Variants in XRRA1 observed in about 807,000 individuals in gnomAD.
XRRA1 encodes X-ray radiation resistance associated 1.
Under a neutral mutation model 80.2 loss-of-function variants are expected in XRRA1, and 69 were observed. That is an observed-to-expected ratio of 0.86 (90% CI 0.71 to 1.05). The LOEUF is 1.05. Among genes scored for constraint, XRRA1 ranks in the 50% least tolerant of loss-of-function variants. The pLI is 0.00. For missense variants in XRRA1, 967 were observed against 976.4 expected, an observed-to-expected ratio of 0.99 and a Z score of 0.13; for synonymous variants, 348 against 389.9, an observed-to-expected ratio of 0.89 and a Z score of 1.27.
At position 74,920,006 on chromosome 11, in the gene XRRA1, C is replaced by A. The variant is rs1475807292; in HGVS notation, c.656+1208G>T. 204 of 128,052 alleles carry A rather than the reference C, an allele frequency of 1.6e-3. 1 individual carries two copies. The highest frequency in any genetic ancestry group is 8.1e-3 in the Middle Eastern group (2 of 248). The allele number at this position is 128,052 out of a possible 1,614,324, so 7.9% of individuals were successfully genotyped here. On this transcript the variant is annotated intron_variant, in intron 8 of 18. Transcript: ENST00000684022. ...TATATCAAACAAAGTTATAAAACTG[C>A]AAAAAAAAAAAAAAAAATGAAGCCA...
At chr11:74,891,103 A>C (rs189275073) in intron 10 of XRRA1, among the ~76,000 whole-genome samples, 1 of 152,302 alleles carries the variant, frequency 6.6e-6, no homozygotes, top group Admixed American at 6.5e-5. Flanking sequence ...ACAACAAAAA[A>C]AGAGTATTTT....
At position 74,843,940 on chromosome 11, in the gene XRRA1, G is replaced by A; in HGVS notation, c.2063C>T (p.Pro688Leu). Residue 688 changes from proline to leucine, a missense_variant, in exon 18 of 19, where the codon CCA becomes CTA. By Grantham distance (98) the Pro-to-Leu change is moderately conservative. Coordinates refer to ENST00000684022, the MANE Select transcript of XRRA1 (RefSeq NM_001378157.1). Reference sequence around the variant, plus strand: ...TTGGGCTCTAGTCTTCTTTGGGGGTGGAATCGGGATTCTCTGGGCCTGGCA... The same window carrying A: ...TTGGGCTCTAGTCTTCTTTGGGGGTAGAATCGGGATTCTCTGGGCCTGGCA... Reference protein sequence around the residue: ...KEKRAQRIPIPPPKKTRAQLL... With the variant: ...KEKRAQRIPILPPKKTRAQLL... The A allele has an allele frequency of 6.2e-7, 1 of 1,613,632 alleles. No homozygotes were observed. The highest frequency in any genetic ancestry group is 8.5e-7 in the Non-Finnish European group (1 of 1,179,736).
At chr11:74,887,742 A>G (rs1296487646) in intron 10 of XRRA1, among the ~76,000 whole-genome samples, 2 of 152,148 alleles carry the variant, frequency 1.3e-5, no homozygotes, top group African/African-American at 4.8e-5. Flanking sequence ...CGCTTTTCCA[A>G]CAGTCTTAGC....
chr11:74,852,198 G>GT (rs2040039546), intron 12 of XRRA1, 116 bp from the exon 13 acceptor site: 2 of 814,942 alleles, frequency 2.5e-6, no homozygotes, highest in East Asian at 5.1e-5. Flanking sequence ...GTGGTATTGG[G>GT]TAAGACATGC....
At chr11:74,945,561 A>T (rs1261548257) in intron 1 of XRRA1, among the ~76,000 whole-genome samples, 1 of 151,820 alleles carries the variant, frequency 6.6e-6, no homozygotes, top group Non-Finnish European at 1.5e-5. Flanking sequence ...TATTAGGAAT[A>T]TTAGGTGAGA....
chr11:74,879,178 A>C (rs1282674), intron 10 of XRRA1, among the ~76,000 whole-genome samples: 90,054 of 144,420 alleles, frequency 0.62, 30,341 homozygotes, highest in Non-Finnish European at 0.76. Flanking sequence ...GAGGTCCTTC[A>C]CATCCCTTGT....
At chr11:74,875,343 C>T (rs902601714) in intron 10 of XRRA1, among the ~76,000 whole-genome samples, 1 of 152,184 alleles carries the variant, frequency 6.6e-6, no homozygotes, top group Non-Finnish European at 1.5e-5. Context: ...AGTCTCAGTA[C>T]TCCCCTGCAG....
intron 11 of XRRA1, among the ~76,000 whole-genome samples, chr11:74,861,402 G>C (rs918395147): frequency 3.3e-5 from 5 of 152,110 alleles, no homozygotes; most frequent in Admixed American, 3.3e-4. Flanking sequence ...GATTCTCATA[G>C]GAGCACAAAC....
intron 10 of XRRA1, among the ~76,000 whole-genome samples, chr11:74,869,938 T>C (rs1468669477): frequency 6.6e-6 from 1 of 152,150 alleles, no homozygotes; most frequent in African/African-American, 2.4e-5. Flanking sequence ...TCCTCAGCCA[T>C]GAGACAACAA....
At chr11:74,900,487 C>A (rs2053377005) in intron 10 of XRRA1, among the ~76,000 whole-genome samples, 1 of 152,064 alleles carries the variant, frequency 6.6e-6, no homozygotes, top group South Asian at 2.1e-4. Context: ...GAGGCTGAGG[C>A]AGGAGAATCA....
chr11:74,844,176 CTT>C lies in XRRA1; in HGVS notation c.2033_2034del (p.Lys678ArgfsTer16), dbSNP rs1369793534. ...LDTLQKPYVH[K>X]EKRAQRIPIP... ...GTGAGCTGGATGTTTACCCGTTTCTCTTTGTGAACATAGGGTTTCTGAAGAGT... is the reference window on the plus strand; with the variant it reads ...GTGAGCTGGATGTTTACCCGTTTCTCTGTGAACATAGGGTTTCTGAAGAGT... On this transcript the variant is annotated frameshift_variant, in exon 17 of 19. Coordinates refer to ENST00000684022, the MANE Select transcript of XRRA1 (RefSeq NM_001378157.1). LOFTEE classifies it high-confidence loss of function. 5.0e-6 allele frequency: 8 copies of C among 1,613,770 alleles called. No homozygotes were observed. The highest frequency in any genetic ancestry group is 6.8e-6 in the Non-Finnish European group (8 of 1,179,714).
At chr11:74,872,494 G>C (rs1286399873) in intron 10 of XRRA1, among the ~76,000 whole-genome samples, 1 of 152,176 alleles carries the variant, frequency 6.6e-6, no homozygotes, top group Non-Finnish European at 1.5e-5. Context: ...TCTAGTAGCT[G>C]CTTTGCAAAC....
intron 10 of XRRA1, among the ~76,000 whole-genome samples, chr11:74,873,138 A>G (rs1447308057): frequency 6.6e-6 from 1 of 152,186 alleles, no homozygotes; most frequent in African/African-American, 2.4e-5. Context: ...GTTCAGATCC[A>G]TCTTAAGGAT....
intron 10 of XRRA1, among the ~76,000 whole-genome samples, chr11:74,902,634 A>G (rs1035677124): frequency 3.3e-5 from 5 of 152,204 alleles, no homozygotes; most frequent in Admixed American, 6.5e-5. Context: ...ATGGAACTGG[A>G]GGTCCCTATG....
chr11:74,899,695 T>C, intron 10 of XRRA1, among the ~76,000 whole-genome samples: 1 of 152,092 alleles, frequency 6.6e-6, no homozygotes, highest in African/African-American at 2.4e-5. Flanking sequence ...TCTACCAAGA[T>C]TGAACTATGA....
rs772051480 is a variant in XRRA1 at position 74,927,476 on chromosome 11, G to A, written c.437C>T (p.Thr146Met). 3.8e-5 allele frequency: 61 copies of A among 1,609,936 alleles called. 1 individual carries two copies. The East Asian group carries it at 9.8e-4, about 26-fold the overall frequency. ...ATCCAGTTCCTTTAGGGCTGGAAAC[G>A]TGTGAAATGCCTCTACATGGGGAAG... ...ENLLPLEAFH[T>M]FPALKELDLA... The change falls in exon 7 of 19, where the codon ACG (threonine) becomes ATG (methionine). Residue 146 changes from threonine to methionine, a missense_variant. Transcript: ENST00000684022.
intron 8 of XRRA1, chr11:74,920,004 TGC>T (rs1291486350): frequency 0.047 from 3,914 of 83,110 alleles, 96 homozygotes; most frequent in Non-Finnish European, 0.056. Context: ...GTTATAAAAC[TGC>T]AAAAAAAAAA....
At chr11:74,862,766 C>T (rs1309142591) in intron 11 of XRRA1, among the ~76,000 whole-genome samples, 1 of 151,956 alleles carries the variant, frequency 6.6e-6, no homozygotes, top group Non-Finnish European at 1.5e-5. Context: ...GTGGCCAGCA[C>T]AGGACCTGGT....
At chr11:74,940,740 G>A (rs1171592672) in intron 3 of XRRA1, 45 bp downstream of exon 3, 7 of 1,488,838 alleles carry the variant, frequency 4.7e-6, no homozygotes, top group Middle Eastern at 3.4e-4. Flanking sequence ...TCTAAAGCAC[G>A]AGCTAGGTAT....
Sources: allele counts gnomAD v4.1 joint callset (sites outside exome capture counted in the v4.1 genomes callset), GRCh38; gene constraint gnomAD v4.1.1; transcripts MANE v1.5; gene names NCBI Gene and HGNC (gene_info 2026-07-23, HGNC 2026-07-21).